ZNF804B: variants seen among roughly 807,000 people sequenced by gnomAD.
ZNF804B encodes zinc finger protein 804B.
A neutral mutation model predicts 101.4 loss-of-function variants in ZNF804B; 80 were observed. That is an observed-to-expected ratio of 0.79 (90% confidence interval 0.66 to 0.95). ZNF804B has a LOEUF of 0.95. Among genes scored for constraint, ZNF804B ranks in the 40% least tolerant of loss-of-function variants. The probability of loss-of-function intolerance (pLI) is 0.00; values close to 1 mark genes in which losing one functional copy is unlikely to be tolerated. For synonymous variants in ZNF804B, 622 were observed against 558.8 expected (o/e 1.11, Z -1.59); for missense variants, 1,673 against 1,561.9 (o/e 1.07, Z -1.20).
chr7:88,800,773 G>T (rs529681690), intron 1 of ZNF804B, among the ~76,000 whole-genome samples: 2 of 151,412 alleles, frequency 1.3e-5, no homozygotes, highest in South Asian at 4.2e-4. Flanking sequence ...GTTAAAGATA[G>T]GAAGTGTGGC....
At chr7:89,220,256 T>C (rs1788984717) in intron 2 of ZNF804B, among the ~76,000 whole-genome samples, 1 of 150,856 alleles carries the variant, frequency 6.6e-6, no homozygotes, top group African/African-American at 2.4e-5. Context: ...TATATGTATA[T>C]AGTTGGCTTC....
rs1370313983 is a variant in ZNF804B at position 88,788,124 on chromosome 7, CATG to C, written c.108+28041_108+28043del. ...CAGGGAATGATGCATTCATCTAGTGCATGTGGAGGTGCAGATGCCTGTGGGGTT... is the reference window on the plus strand; with the variant it reads ...CAGGGAATGATGCATTCATCTAGTGCTGGAGGTGCAGATGCCTGTGGGGTT... On this transcript the variant is annotated intron_variant, in intron 1 of 3. Coordinates refer to ENST00000333190, the MANE Select transcript of ZNF804B (RefSeq NM_181646.5). Among the ~76,000 whole-genome samples, 3 of 152,014 alleles carry C rather than the reference CATG, an allele frequency of 2.0e-5. No homozygotes were observed. The East Asian group carries it at 5.8e-4, about 29-fold the overall frequency.
At chr7:88,904,904 T>A (rs1792445454) in intron 1 of ZNF804B, among the ~76,000 whole-genome samples, 1 of 152,206 alleles carries the variant, frequency 6.6e-6, no homozygotes, top group African/African-American at 2.4e-5. Context: ...AAGAGATAGT[T>A]TGACGTCTTC....
chr7:88,802,434 C>T (rs1440203244), intron 1 of ZNF804B, among the ~76,000 whole-genome samples: 1 of 151,976 alleles, frequency 6.6e-6, no homozygotes. Context: ...ACTGCTGGCA[C>T]ACCTCATTTG....
At chr7:89,076,324 C>T (rs1015237182) in intron 1 of ZNF804B, among the ~76,000 whole-genome samples, 14 of 151,876 alleles carry the variant, frequency 9.2e-5, no homozygotes, top group South Asian at 2.1e-4. Context: ...GTGCTGTTCT[C>T]GTGAGAGTGA....
At chr7:88,810,497 CA>C (rs76328821) in intron 1 of ZNF804B, among the ~76,000 whole-genome samples, 3,793 of 132,056 alleles carry the variant, frequency 0.029, 42 homozygotes, top group Non-Finnish European at 0.031. Context: ...TACAAAAGTC[CA>C]AAAAAAAAAA....
chr7:89,226,433 T>C (rs1313722697), intron 2 of ZNF804B, among the ~76,000 whole-genome samples: 1 of 152,094 alleles, frequency 6.6e-6, no homozygotes, highest in African/African-American at 2.4e-5. Flanking sequence ...TTGGGTCTAC[T>C]AAAAATAGAT....
chr7:88,861,331 C>G (rs1222401345), intron 1 of ZNF804B, among the ~76,000 whole-genome samples: 3 of 152,070 alleles, frequency 2.0e-5, no homozygotes, highest in Non-Finnish European at 4.4e-5. Context: ...AAAGATGAAG[C>G]CAGGAGGCTT....
chr7:88,970,250 T>A (rs1355192302), intron 1 of ZNF804B, among the ~76,000 whole-genome samples: 1 of 151,618 alleles, frequency 6.6e-6, no homozygotes, highest in Non-Finnish European at 1.5e-5. Context: ...GCAGGCTTGT[T>A]ACATAGGTAA....
chr7:88,844,739 A>G (rs894358702), intron 1 of ZNF804B, among the ~76,000 whole-genome samples: 15 of 152,114 alleles, frequency 9.9e-5, no homozygotes, highest in African/African-American at 3.4e-4. Flanking sequence ...TGAAAAATGC[A>G]ATTGGAGGCT....
At chr7:89,023,443 C>T (rs912420088) in intron 1 of ZNF804B, among the ~76,000 whole-genome samples, 1 of 152,278 alleles carries the variant, frequency 6.6e-6, no homozygotes, top group Non-Finnish European at 1.5e-5. Context: ...ATACTTTGCT[C>T]TGTTGGTGGT....
At chr7:89,194,559 T>A (rs544357146) in intron 1 of ZNF804B, among the ~76,000 whole-genome samples, 2,019 of 150,942 alleles carry the variant, frequency 0.013, 49 homozygotes, top group African/African-American at 0.046. Flanking sequence ...GCATCATTTA[T>A]TAAATAAGGA....
At chr7:89,089,660 A>C (rs1376421741) in intron 1 of ZNF804B, among the ~76,000 whole-genome samples, 3 of 152,020 alleles carry the variant, frequency 2.0e-5, no homozygotes, top group East Asian at 1.9e-4. Context: ...AATATATTAA[A>C]ATTTAAATAT....
intron 1 of ZNF804B, among the ~76,000 whole-genome samples, chr7:89,149,738 C>G (rs1790843137): frequency 6.6e-6 from 1 of 151,528 alleles, no homozygotes; most frequent in Non-Finnish European, 1.5e-5. Flanking sequence ...CATTCCTGAC[C>G]CAATGAAGCA....
At chr7:89,299,070 A>G (rs144253389) in intron 2 of ZNF804B, among the ~76,000 whole-genome samples, 67 of 152,130 alleles carry the variant, frequency 4.4e-4, no homozygotes, top group African/African-American at 1.5e-3. Context: ...AACTTTCATA[A>G]TAGATATTCC....
At chr7:88,979,440 C>T (rs1231221577) in intron 1 of ZNF804B, among the ~76,000 whole-genome samples, 1 of 151,822 alleles carries the variant, frequency 6.6e-6, no homozygotes, top group East Asian at 1.9e-4. Context: ...AAGGACAATT[C>T]ACTGGATATA....
At chr7:89,227,057 T>G (rs751447301) in intron 2 of ZNF804B, among the ~76,000 whole-genome samples, 2 of 152,172 alleles carry the variant, frequency 1.3e-5, no homozygotes, top group Non-Finnish European at 2.9e-5. Flanking sequence ...AGGACTTATT[T>G]TCACCATTAT....
chr7:89,209,557 A>G (rs547850593), intron 1 of ZNF804B, among the ~76,000 whole-genome samples: 2 of 152,344 alleles, frequency 1.3e-5, no homozygotes, highest in East Asian at 3.9e-4. Context: ...AAACTCTTCA[A>G]TATGCAACAT....
chr7:89,233,744 T>C (rs891565083), intron 2 of ZNF804B, among the ~76,000 whole-genome samples: 4 of 152,248 alleles, frequency 2.6e-5, no homozygotes, highest in East Asian at 1.9e-4. Context: ...GTTCAAGTGA[T>C]TCTCCTGCCT....
Sources: gnomAD v4.1 joint callset for allele counts (sites outside exome capture counted in the v4.1 genomes callset) on GRCh38, gnomAD v4.1.1 for gene constraint, MANE v1.5 for transcripts, NCBI Gene and HGNC (gene_info 2026-07-23, HGNC 2026-07-21) for gene names.